Variants in DAPP1 observed in about 807,000 individuals in gnomAD.
DAPP1 encodes the protein dual adapter for phosphotyrosine and 3-phosphotyrosine and 3-phosphoinositide.
DAPP1 carries 20 observed loss-of-function variants against 41.5 expected under a neutral mutation model. The ratio of observed to expected loss-of-function variants is 0.48; its 90% CI spans 0.34 to 0.70. The LOEUF (loss-of-function observed/expected upper bound fraction) is 0.70, where lower values mean the gene tolerates loss of function less well. Ranked by LOEUF, DAPP1 falls within the 30% of genes least tolerant of loss-of-function variation. DAPP1 has a pLI of 0.01. For missense variants in DAPP1, 233 were observed against 333.4 expected (o/e 0.70, Z 2.35); for synonymous variants, 113 against 116.2 (o/e 0.97, Z 0.18).
At position 99,868,463 on chromosome 4, in the gene DAPP1, A is replaced by G. The variant is rs1724538786; in HGVS notation, c.*278A>G. 5.3e-6 allele frequency: 2 copies of G among 377,976 alleles called. No individual in the cohort carries two copies. The highest frequency in any genetic ancestry group is 9.8e-6 in the Non-Finnish European group (2 of 204,254). The allele number at this position is 377,976 out of a possible 1,614,324, so 23.4% of individuals were successfully genotyped here. On this transcript the variant is annotated 3_prime_UTR_variant, in exon 9 of 9. Transcript: ENST00000512369. ...GGTCTGCTCACTCTTAGAACACACA[A>G]TGGAAGAGGAAGGGTTTTTGTTTTC...
At chr4:99,824,115 C>G (rs139485273) in intron 1 of DAPP1, among the ~76,000 whole-genome samples, 309 of 152,286 alleles carry the variant, frequency 2.0e-3, no homozygotes, top group Non-Finnish European at 3.8e-3. Flanking sequence ...ACCAGATACT[C>G]TTGAAACCAT....
chr4:99,826,007 CGA>C (rs1250220512), intron 1 of DAPP1, among the ~76,000 whole-genome samples: 1 of 152,134 alleles, frequency 6.6e-6, no homozygotes, highest in Admixed American at 6.5e-5. Context: ...TATCTAGCAC[CGA>C]CCCTATGAAC....
chr4:99,828,592 G>T (rs1221005464), intron 1 of DAPP1, among the ~76,000 whole-genome samples: 1 of 152,176 alleles, frequency 6.6e-6, no homozygotes, highest in Non-Finnish European at 1.5e-5. Flanking sequence ...GAAGATTCTA[G>T]CTCAAAGAGG....
chr4:99,824,936 G>A (rs1161626560), intron 1 of DAPP1, among the ~76,000 whole-genome samples: 1 of 152,184 alleles, frequency 6.6e-6, no homozygotes, highest in African/African-American at 2.4e-5. Flanking sequence ...TCTCAGTACA[G>A]TGAGATGCAG....
intron 1 of DAPP1, among the ~76,000 whole-genome samples, chr4:99,821,035 C>A (rs929964569): frequency 2.0e-5 from 3 of 152,144 alleles, no homozygotes; most frequent in Admixed American, 2.0e-4. Flanking sequence ...TTTGTAGACA[C>A]CAGCTCTGGT....
At chr4:99,833,474 C>G (rs766916416) in intron 1 of DAPP1, among the ~76,000 whole-genome samples, 4 of 152,096 alleles carry the variant, frequency 2.6e-5, no homozygotes, top group Non-Finnish European at 5.9e-5. Context: ...TCCACAGGTG[C>G]ACTTAGGTTT....
chr4:99,823,257 T>C (rs1560686302), intron 1 of DAPP1, among the ~76,000 whole-genome samples: 1 of 152,120 alleles, frequency 6.6e-6, no homozygotes, highest in African/African-American at 2.4e-5. Context: ...TGCAGTAACA[T>C]TGATGCTATT....
chr4:99,865,972 A>ATAT (rs1560711355), intron 7 of DAPP1, 62 bp from the exon 8 acceptor site: 13 of 147,860 alleles, frequency 8.8e-5, no homozygotes, highest in South Asian at 3.5e-4. Flanking sequence ...TATATTATAT[A>ATAT]TATATATATA....
At chr4:99,862,912 C>T (rs944826471) in intron 5 of DAPP1, 98 bp from the exon 6 acceptor site, 1 of 912,720 alleles carries the variant, frequency 1.1e-6, no homozygotes, top group African/African-American at 1.8e-5. Context: ...TTTTTAGATA[C>T]TTTTAAAATG....
rs560348252 is a variant in DAPP1 at position 99,863,959 on chromosome 4, A to G, written c.686+104A>G. 9.5e-6 allele frequency: 7 copies of G among 738,868 alleles called. No individual in the cohort carries two copies. The East Asian group carries it at 1.7e-4, about 18-fold the overall frequency. 45.8% of individuals were successfully genotyped at this position (738,868 alleles called of 1,614,324 possible). A position where few individuals can be genotyped will look rare whatever the true frequency, so the allele number is the denominator to read the frequency against. ...ATATCTTAATGTCTACAAAGATCAG[A>G]TATGAGGGGCATGCCTGCATGTAAG... On this transcript the variant is annotated intron_variant, in intron 7 of 8. Coordinates refer to ENST00000512369, the MANE Select transcript of DAPP1 (RefSeq NM_014395.3).
chr4:99,839,340 G>C (rs188566993), intron 2 of DAPP1, among the ~76,000 whole-genome samples: 1 of 148,040 alleles, frequency 6.8e-6, no homozygotes, highest in Admixed American at 6.7e-5. Flanking sequence ...AAATAAAGTG[G>C]AGAGGCAGAT....
At chr4:99,836,818 G>C (rs1439166070) in intron 2 of DAPP1, among the ~76,000 whole-genome samples, 1 of 152,220 alleles carries the variant, frequency 6.6e-6, no homozygotes, top group Non-Finnish European at 1.5e-5. Context: ...ACAGTTTCTG[G>C]CTGGATTCTC....
chr4:99,836,470 TC>T (rs1192505837), intron 2 of DAPP1, among the ~76,000 whole-genome samples: 1 of 152,286 alleles, frequency 6.6e-6, no homozygotes, highest in Admixed American at 6.5e-5. Context: ...TTTAGGCGCT[TC>T]TCCATGGATT....
intron 3 of DAPP1, among the ~76,000 whole-genome samples, chr4:99,847,324 C>G (rs1385234777): frequency 6.6e-6 from 1 of 152,198 alleles, no homozygotes; most frequent in Non-Finnish European, 1.5e-5. Flanking sequence ...TGTTCTTACT[C>G]TCTTTCTGAG....
At chr4:99,833,450 T>G (rs920245187) in intron 1 of DAPP1, among the ~76,000 whole-genome samples, 1 of 152,210 alleles carries the variant, frequency 6.6e-6, no homozygotes, top group Non-Finnish European at 1.5e-5. Context: ...TGGAGACCTA[T>G]GTAAAAACTT....
chr4:99,853,505 A>G (rs1286238607), intron 4 of DAPP1, among the ~76,000 whole-genome samples, 157 bp downstream of exon 4: 1 of 152,232 alleles, frequency 6.6e-6, no homozygotes, highest in Admixed American at 6.5e-5. Flanking sequence ...GACTCAGTTC[A>G]TCTGGTCCTG....
intron 3 of DAPP1, among the ~76,000 whole-genome samples, chr4:99,848,103 G>C (rs62305040): frequency 6.6e-6 from 1 of 151,950 alleles, no homozygotes; most frequent in Non-Finnish European, 1.5e-5. Flanking sequence ...GAGCCACCGC[G>C]CCCGGCTGAT....
At chr4:99,855,929 C>T (rs1023362291) in intron 4 of DAPP1, among the ~76,000 whole-genome samples, 2 of 152,092 alleles carry the variant, frequency 1.3e-5, no homozygotes, top group Non-Finnish European at 2.9e-5. Context: ...TTGTTTGAAG[C>T]GAAAGTGAAA....
intron 3 of DAPP1, among the ~76,000 whole-genome samples, chr4:99,845,284 A>G (rs1048752914): frequency 6.6e-6 from 1 of 152,298 alleles, no homozygotes; most frequent in Middle Eastern, 3.4e-3. Context: ...GCACCTTGCT[A>G]TCTTTTGAAA....
Sources: allele counts gnomAD v4.1 joint callset (sites outside exome capture counted in the v4.1 genomes callset), GRCh38; gene constraint gnomAD v4.1.1; transcripts MANE v1.5; gene names NCBI Gene and HGNC (gene_info 2026-07-23, HGNC 2026-07-21).